SMARCA2: variants seen among roughly 807,000 people sequenced by gnomAD.
SMARCA2 encodes the protein SWI/SNF-related matrix-associated actin-dependent regulator of chromatin subfamily A member 2.
SMARCA2 carries 61 observed loss-of-function variants against 199.8 expected under a neutral mutation model. The ratio of observed to expected loss-of-function variants is 0.31; its 90% CI spans 0.25 to 0.38. The LOEUF (loss-of-function observed/expected upper bound fraction) is 0.38, where lower values mean the gene tolerates loss of function less well. Among genes scored for constraint, SMARCA2 ranks in the 10% least tolerant of loss-of-function variants. The pLI, the probability that SMARCA2 is intolerant of heterozygous loss-of-function variation, is 1.00. For missense variants in SMARCA2, 1,344 were observed against 2,012.2 expected, an observed-to-expected ratio of 0.67 and a Z score of 6.35; for synonymous variants, 935 against 732.0, an observed-to-expected ratio of 1.28 and a Z score of -4.48.
intron 11 of SMARCA2, 93 bp from the exon 12 acceptor site, chr9:2,073,473 A>G (rs1336457988): frequency 3.4e-6 from 5 of 1,467,462 alleles, no homozygotes; most frequent in Admixed American, 1.9e-5. Context: ...TTTGTCTTTT[A>G]TACATAGAAT....
chr9:2,076,175 T>C lies in SMARCA2; in HGVS notation c.1936-54T>C. The C allele has an allele frequency of 3.1e-6, 3 of 976,470 alleles. No individual in the cohort carries two copies. The South Asian group carries it at 4.0e-5, about 13-fold the overall frequency. The allele number at this position is 976,470 out of a possible 1,614,324, so 60.5% of individuals were successfully genotyped here. Reference sequence around the variant, plus strand: ...ATGTCTTTTCAGAAAATGTCAATCATAGAGATTTCCTTGTTAAAATATAAT... The same window carrying C: ...ATGTCTTTTCAGAAAATGTCAATCACAGAGATTTCCTTGTTAAAATATAAT... On this transcript the variant is annotated intron_variant, in intron 12 of 33. Coordinates refer to ENST00000349721, the MANE Select transcript of SMARCA2 (RefSeq NM_003070.5).
At chr9:2,080,054 G>C (rs977068642) in intron 14 of SMARCA2, 1 of 152,238 alleles carries the variant, frequency 6.6e-6, no homozygotes, top group Non-Finnish European at 1.5e-5. Context: ...CGCCTGATGA[G>C]ATCTCACAAA....
At chr9:2,075,794 A>G (rs924308319) in intron 12 of SMARCA2, among the ~76,000 whole-genome samples, 1 of 152,128 alleles carries the variant, frequency 6.6e-6, no homozygotes, top group Admixed American at 6.5e-5. Flanking sequence ...AGTAGCTGGG[A>G]TTACAGGCAT....
At chr9:2,070,037 G>A (rs966987963) in intron 9 of SMARCA2, among the ~76,000 whole-genome samples, 7 of 152,130 alleles carry the variant, frequency 4.6e-5, no homozygotes, top group Admixed American at 2.0e-4. Flanking sequence ...AAGAAAACTT[G>A]CTTAGGGGAT....
chr9:2,029,761 G>T (rs953684393), intron 2 of SMARCA2, among the ~76,000 whole-genome samples: 1 of 152,192 alleles, frequency 6.6e-6, no homozygotes, highest in African/African-American at 2.4e-5. Flanking sequence ...GCACATTGCT[G>T]TCTCTCTGTG....
At chr9:2,125,647 G>A (rs1238427864) in intron 27 of SMARCA2, among the ~76,000 whole-genome samples, 1 of 152,050 alleles carries the variant, frequency 6.6e-6, no homozygotes, top group African/African-American at 2.4e-5. Flanking sequence ...ATACCACCAT[G>A]CCCGGCTAAT....
chr9:2,053,554 C>T (rs375030869), intron 5 of SMARCA2, among the ~76,000 whole-genome samples: 5 of 152,068 alleles, frequency 3.3e-5, no homozygotes, highest in East Asian at 3.8e-4. Flanking sequence ...CTTACAGAGG[C>T]GTGTCTGTGT....
At chr9:2,188,383 A>G (rs10116703) in intron 32 of SMARCA2, among the ~76,000 whole-genome samples, 65,904 of 151,888 alleles carry the variant, frequency 0.43, 16,158 homozygotes, top group Admixed American at 0.55. Flanking sequence ...CCCTCAACAT[A>G]CATAAGCGAC....
At chr9:2,145,787 G>C (rs1485525845) in intron 27 of SMARCA2, among the ~76,000 whole-genome samples, 1 of 152,120 alleles carries the variant, frequency 6.6e-6, no homozygotes, top group African/African-American at 2.4e-5. Context: ...ACTGTGCTAT[G>C]TACTCTAGGG....
rs111783046 is a variant in SMARCA2 at position 2,057,665 on chromosome 9, G to A, written c.1348-626G>A. 4.5e-4 allele frequency among the ~76,000 whole-genome samples: 68 copies of A among 152,106 alleles called. 1 individual carries two copies. The highest frequency in any genetic ancestry group is 1.6e-3 in the African/African-American group (66 of 41,420). On this transcript the variant is annotated intron_variant, in intron 7 of 33. Transcript: ENST00000349721. ...AATATTAAAAACATTCCTTTCTGGG[G>A]GTTTGGAAATATTTTGATGTAGGAT...
rs540984691 is a variant in SMARCA2 at position 2,026,225 on chromosome 9, G to A, written c.-36-2762G>A. 1.4e-4 allele frequency among the ~76,000 whole-genome samples: 21 copies of A among 152,260 alleles called. No homozygotes were observed. In the South Asian group the frequency reaches 4.1e-3, roughly 30 times the overall value. On this transcript the variant is annotated intron_variant, in intron 1 of 33. Coordinates refer to ENST00000349721, the MANE Select transcript of SMARCA2 (RefSeq NM_003070.5). ...TGCCATTCATTAGTTATATGGCACA[G>A]GGTACATTTCTTCATTTGTTAAACT...
At chr9:2,087,316 A>G (rs1024362294) in intron 18 of SMARCA2, 3 of 503,018 alleles carry the variant, frequency 6.0e-6, no homozygotes, top group Non-Finnish European at 1.1e-5. Flanking sequence ...TTACCAGGCT[A>G]CCAGAAAAGG....
intron 29 of SMARCA2, among the ~76,000 whole-genome samples, chr9:2,171,824 C>T (rs545088122): frequency 6.6e-6 from 1 of 152,308 alleles, no homozygotes; most frequent in East Asian, 1.9e-4. Flanking sequence ...CAGGCAGGAG[C>T]TCCTTTCCCT....
intron 15 of SMARCA2, among the ~76,000 whole-genome samples, chr9:2,082,220 C>G (rs1421360383): frequency 6.6e-6 from 1 of 151,794 alleles, no homozygotes; most frequent in Admixed American, 6.6e-5. Context: ...TTTTATCGGC[C>G]ATCAGCATTA....
intron 4 of SMARCA2, chr9:2,041,441 G>A: frequency 2.5e-6 from 1 of 398,608 alleles, no homozygotes; most frequent in Non-Finnish European, 4.4e-6. Flanking sequence ...TCACATGGCA[G>A]AAGAGACAAG....
chr9:2,162,325 A>G (rs1320363134), intron 28 of SMARCA2, among the ~76,000 whole-genome samples: 1 of 152,226 alleles, frequency 6.6e-6, no homozygotes, highest in Non-Finnish European at 1.5e-5. Context: ...TTAAAGCAAA[A>G]TAGATGCTTC....
rs988331673 is a variant in SMARCA2 at position 2,186,156 on chromosome 9, A to C, written c.4522A>C (p.Lys1508Gln). The C allele has an allele frequency of 6.2e-7, 1 of 1,614,090 alleles. No individual in the cohort carries two copies. Among genetic ancestry groups the C allele is most frequent in the Non-Finnish European group, 8.5e-7 (1 of 1,179,930 alleles). ...VFKSARQKIA[K>Q]EEESEDESNE... is the part of the protein sequence containing the mutation. The stretch of plus-strand genomic sequence containing the variant: ...TAAGAGTGCCCGGCAGAAAATTGCC[A>C]AAGAGGAAGAGAGTGAGGATGAAAG... The change falls in exon 32 of 34, where the codon AAA (lysine) becomes CAA (glutamine). Residue 1508 changes from lysine to glutamine, a missense_variant. Physicochemically the swap from Lys to Gln is moderately conservative, Grantham distance 53 (BLOSUM62 1). This residue lies in a region of SMARCA2 where 155 missense variants were observed against 121.1 expected (regional missense o/e 1.28). Transcript: ENST00000349721.
At chr9:2,181,799 G>T (rs1370950055) in intron 30 of SMARCA2, 123 bp downstream of exon 30, 5 of 644,590 alleles carry the variant, frequency 7.8e-6, no homozygotes, top group Non-Finnish European at 8.4e-6. Flanking sequence ...GACAGGAAAG[G>T]TTGGGATGTC....
intron 21 of SMARCA2, among the ~76,000 whole-genome samples, chr9:2,099,725 G>A (rs1007855001): frequency 6.6e-6 from 1 of 152,044 alleles, no homozygotes; most frequent in Admixed American, 6.6e-5. Context: ...GTTGTGTTTC[G>A]TTTGCCACAC....
Sources: gnomAD v4.1 joint callset for allele counts (sites outside exome capture counted in the v4.1 genomes callset) on GRCh38, gnomAD v4.1.1 for gene constraint, gnomAD v4.1.1 regional missense constraint, MANE v1.5 for transcripts, NCBI Gene and HGNC (gene_info 2026-07-23, HGNC 2026-07-21) for gene names.